Variants in NKAIN2 observed in about 807,000 individuals in gnomAD.
The protein encoded by NKAIN2 is sodium/potassium transporting ATPase interacting 2, also known as sodium/potassium-transporting ATPase subunit beta-1-interacting protein 2.
NKAIN2 carries 14 observed loss-of-function variants against 32.6 expected under a neutral mutation model. That is an observed-to-expected ratio of 0.43 (90% confidence interval 0.28 to 0.67). The LOEUF (loss-of-function observed/expected upper bound fraction) is 0.67. Among genes scored for constraint, NKAIN2 ranks in the 30% least tolerant of loss-of-function variants. NKAIN2 has a pLI of 0.17. For missense variants in NKAIN2, 198 were observed against 258.3 expected, an observed-to-expected ratio of 0.77 and a Z score of 1.60; for synonymous variants, 80 against 87.2, an observed-to-expected ratio of 0.92 and a Z score of 0.46.
intron 3 of NKAIN2, among the ~76,000 whole-genome samples, chr6:124,360,492 C>T (rs1799236671): frequency 6.6e-6 from 1 of 151,948 alleles, no homozygotes; most frequent in Non-Finnish European, 1.5e-5. Context: ...TCTTTGTACA[C>T]ATAGAGGTAT....
Position 123,817,042 on chromosome 6 carries a change from G to A in NKAIN2, c.54+12788G>A, listed in dbSNP as rs145923694. 2.6e-4 allele frequency among the ~76,000 whole-genome samples: 39 copies of A among 152,286 alleles called. No individual in the cohort carries two copies. In the East Asian group the frequency reaches 6.8e-3, roughly 26 times the overall value. On this transcript the variant is annotated intron_variant, in intron 1 of 6. Transcript: ENST00000368417. Reference sequence around the variant, plus strand: ...TTGTATATACTGGTGAGAGTTTGGGGAGAGTTTGGTGTAAGCAGATGAAAG... The same window carrying A: ...TTGTATATACTGGTGAGAGTTTGGGAAGAGTTTGGTGTAAGCAGATGAAAG...
At chr6:124,370,036 A>T (rs372432191) in intron 3 of NKAIN2, among the ~76,000 whole-genome samples, 15 of 151,838 alleles carry the variant, frequency 9.9e-5, no homozygotes, top group African/African-American at 3.6e-4. Context: ...AGAGCAAACA[A>T]GTGACTGTTT....
intron 4 of NKAIN2, among the ~76,000 whole-genome samples, chr6:124,688,157 G>A (rs1031223361): frequency 1.3e-5 from 2 of 151,882 alleles, no homozygotes; most frequent in African/African-American, 2.4e-5. Context: ...TTCTGCAAGC[G>A]TTAACAAATA....
intron 1 of NKAIN2, among the ~76,000 whole-genome samples, chr6:124,053,848 T>C (rs1782519129): frequency 6.6e-6 from 1 of 152,040 alleles, no homozygotes; most frequent in Admixed American, 6.6e-5. Flanking sequence ...CTAGGACTGG[T>C]GAGTTCATTG....
intron 1 of NKAIN2, among the ~76,000 whole-genome samples, chr6:123,857,610 A>T (rs1336524435): frequency 6.6e-6 from 1 of 152,254 alleles, no homozygotes; most frequent in East Asian, 1.9e-4. Flanking sequence ...AAAATTTTAC[A>T]TGAGAAGACA....
intron 3 of NKAIN2, among the ~76,000 whole-genome samples, chr6:124,487,866 A>G (rs1440362864): frequency 1.3e-5 from 2 of 152,088 alleles, no homozygotes; most frequent in African/African-American, 4.8e-5. Flanking sequence ...TCTTCTCCAT[A>G]GGTCCATTTC....
At chr6:124,645,303 G>A (rs1462032074) in intron 3 of NKAIN2, among the ~76,000 whole-genome samples, 5 of 152,154 alleles carry the variant, frequency 3.3e-5, no homozygotes, top group Non-Finnish European at 5.9e-5. Flanking sequence ...GGAATAGGTT[G>A]AACAATCTGT....
Position 124,711,101 on chromosome 6 carries a change from G to A in NKAIN2, c.474+52715G>A, listed in dbSNP as rs560601971. On this transcript the variant is annotated intron_variant, in intron 4 of 6. Transcript: ENST00000368417. ...TCCTTCACTTATGAAGCTTAGTTTG[G>A]CTGGATATGAAATTCTGGGTTGAAA... is the stretch of plus-strand genomic sequence containing the variant. 3.4e-3 allele frequency among the ~76,000 whole-genome samples: 483 copies of A among 141,978 alleles called. 2 individuals are homozygous for A. The highest frequency in any genetic ancestry group is 0.012 in the African/African-American group (439 of 37,240). The allele number at this position is 141,978 out of a possible 152,430, so 93.1% of individuals were successfully genotyped here.
chr6:124,121,875 C>A, intron 1 of NKAIN2: 1 of 1,195,622 alleles, frequency 8.4e-7, no homozygotes, highest in South Asian at 1.3e-5. Flanking sequence ...GGTATATTTA[C>A]AGGTACTGAA....
chr6:124,614,708 T>C (rs1782819811), intron 3 of NKAIN2, among the ~76,000 whole-genome samples: 1 of 152,032 alleles, frequency 6.6e-6, no homozygotes, highest in South Asian at 2.1e-4. Flanking sequence ...ATTTCTTCTC[T>C]GGCCCCTCCA....
chr6:123,961,157 C>G (rs1353382759), intron 1 of NKAIN2, among the ~76,000 whole-genome samples: 2 of 151,806 alleles, frequency 1.3e-5, no homozygotes, highest in East Asian at 3.9e-4. Flanking sequence ...AACCATAAAT[C>G]TGGAAGTGAC....
chr6:124,247,299 T>C (rs1793458912), intron 1 of NKAIN2, among the ~76,000 whole-genome samples: 1 of 152,134 alleles, frequency 6.6e-6, no homozygotes, highest in African/African-American at 2.4e-5. Context: ...TGTGTGAGTA[T>C]ATGTTTGTGC....
At chr6:124,049,118 C>G (rs1782279448) in intron 1 of NKAIN2, among the ~76,000 whole-genome samples, 1 of 151,956 alleles carries the variant, frequency 6.6e-6, no homozygotes, top group South Asian at 2.1e-4. Context: ...TGCATCAATT[C>G]TCTGTATTTA....
At chr6:124,397,654 C>A (rs1773442958) in intron 3 of NKAIN2, among the ~76,000 whole-genome samples, 4 of 150,058 alleles carry the variant, frequency 2.7e-5, no homozygotes, top group Admixed American at 2.0e-4. Context: ...TAAAAAAAAA[C>A]TGTTTAAATT....
chr6:124,376,531 T>C (rs1293508736), intron 3 of NKAIN2, among the ~76,000 whole-genome samples: 2 of 152,114 alleles, frequency 1.3e-5, no homozygotes, highest in Non-Finnish European at 2.9e-5. Context: ...ATATGTATTT[T>C]CCCCAAGCAA....
intron 3 of NKAIN2, among the ~76,000 whole-genome samples, chr6:124,628,693 A>G (rs1253209297): frequency 6.6e-6 from 1 of 152,034 alleles, no homozygotes; most frequent in Non-Finnish European, 1.5e-5. Flanking sequence ...AAAGTGGGAA[A>G]TAGATATGCT....
rs1275912514 is a variant in NKAIN2 at position 123,992,135 on chromosome 6, G to A, written c.54+187881G>A. On this transcript the variant is annotated intron_variant, in intron 1 of 6. Coordinates refer to ENST00000368417, the MANE Select transcript of NKAIN2 (RefSeq NM_001040214.3). Reference sequence around the variant, plus strand: ...CAGTGGAGGCTGTAGAGGCATGGAAGGCAGGATAGTAGGGAACCATTTGCT... The same window carrying A: ...CAGTGGAGGCTGTAGAGGCATGGAAAGCAGGATAGTAGGGAACCATTTGCT... 3.3e-5 allele frequency among the ~76,000 whole-genome samples: 5 copies of A among 152,232 alleles called. No homozygotes were observed. In the South Asian group the frequency reaches 8.3e-4, roughly 25 times the overall value.
At chr6:124,375,005 G>C (rs1322590) in intron 3 of NKAIN2, among the ~76,000 whole-genome samples, 1 of 151,818 alleles carries the variant, frequency 6.6e-6, no homozygotes, top group East Asian at 1.9e-4. Flanking sequence ...ACTTTCTGCT[G>C]TCCTTCAAAA....
intron 3 of NKAIN2, among the ~76,000 whole-genome samples, chr6:124,530,456 G>A (rs149860116): frequency 3.3e-5 from 5 of 152,280 alleles, no homozygotes; most frequent in Non-Finnish European, 7.4e-5. Context: ...GGCAGAAGGG[G>A]TAGAGCAGGT....
Sources: gnomAD v4.1 joint callset for allele counts (sites outside exome capture counted in the v4.1 genomes callset) on GRCh38, gnomAD v4.1.1 for gene constraint, MANE v1.5 for transcripts, NCBI Gene and HGNC (gene_info 2026-07-23, HGNC 2026-07-21) for gene names.